Variants in EYS observed in about 807,000 individuals in gnomAD.
EYS encodes EGF-like photoreceptor maintenance factor.
A neutral mutation model predicts 282.1 loss-of-function variants in EYS; 250 were observed. The ratio of observed to expected loss-of-function variants is 0.89; its 90% CI spans 0.80 to 0.98. The LOEUF (loss-of-function observed/expected upper bound fraction) is 0.98. Among genes scored for constraint, EYS ranks in the 50% least tolerant of loss-of-function variants. The probability of loss-of-function intolerance (pLI) is 0.00; values close to 1 mark genes in which losing one functional copy is unlikely to be tolerated. For missense variants in EYS, 4,016 were observed against 3,709.0 expected, an observed-to-expected ratio of 1.08 and a Z score of -2.15; for synonymous variants, 1,355 against 1,282.9, an observed-to-expected ratio of 1.06 and a Z score of -1.20.
At chr6:64,131,586 G>T (rs1773982043) in intron 31 of EYS, among the ~76,000 whole-genome samples, 1 of 152,072 alleles carries the variant, frequency 6.6e-6, no homozygotes, top group South Asian at 2.1e-4. Context: ...ATAAAAGCAG[G>T]AATATGAGTA....
At chr6:63,873,051 G>T (rs368166855) in intron 35 of EYS, among the ~76,000 whole-genome samples, 1 of 151,948 alleles carries the variant, frequency 6.6e-6, no homozygotes, top group South Asian at 2.1e-4. Context: ...ATGTGCACAC[G>T]TGAAGGTTTG....
At chr6:64,249,759 A>C (rs1203016359) in intron 30 of EYS, among the ~76,000 whole-genome samples, 3 of 152,212 alleles carry the variant, frequency 2.0e-5, no homozygotes, top group Admixed American at 6.5e-5. Flanking sequence ...AGAGGAATGC[A>C]TCTACCGCAA....
intron 22 of EYS, among the ~76,000 whole-genome samples, chr6:64,725,179 G>A (rs529554069): frequency 7.0e-4 from 106 of 152,146 alleles, no homozygotes; most frequent in African/African-American, 2.4e-3. Context: ...GTAATATGTA[G>A]GATATTAATA....
chr6:64,449,457 C>T (rs1775240175), intron 26 of EYS, among the ~76,000 whole-genome samples: 1 of 152,086 alleles, frequency 6.6e-6, no homozygotes, highest in Non-Finnish European at 1.5e-5. Context: ...GGAGAACTTC[C>T]CCAATCTAGC....
chr6:65,025,296 A>G (rs574816304), intron 13 of EYS, among the ~76,000 whole-genome samples: 2 of 152,294 alleles, frequency 1.3e-5, no homozygotes, highest in East Asian at 1.9e-4. Flanking sequence ...GAGCAATTGC[A>G]TATCACCCCA....
chr6:63,812,637 G>T (rs773504983), intron 36 of EYS, among the ~76,000 whole-genome samples: 1 of 151,990 alleles, frequency 6.6e-6, no homozygotes, highest in African/African-American at 2.4e-5. Flanking sequence ...CATGTAAAAG[G>T]TTAAAGTAGT....
chr6:64,858,986 A>G (rs1050753208), intron 19 of EYS, among the ~76,000 whole-genome samples: 2 of 152,008 alleles, frequency 1.3e-5, no homozygotes, highest in Non-Finnish European at 2.9e-5. Flanking sequence ...AGCCAGAGCA[A>G]TTAGGCAAAA....
rs190287100 is a variant in EYS, at chr6:65,143,214, A to G, written c.2024-85487T>C. ...GAGTAAAACTTTATGACTTATTAGG[A>G]CATAAAACAACATGGATATTCCTTA... is the stretch of plus-strand genomic sequence containing the variant. On this transcript the variant is annotated intron_variant, in intron 12 of 42. Transcript: ENST00000503581. Among the ~76,000 whole-genome samples the G allele has an allele frequency of 6.4e-3, 972 of 152,098 alleles. 11 individuals are homozygous for G. The highest frequency in any genetic ancestry group is 0.022 in the African/African-American group (914 of 41,522).
chr6:64,901,705 A>G (rs1354244628), intron 18 of EYS, among the ~76,000 whole-genome samples: 1 of 152,088 alleles, frequency 6.6e-6, no homozygotes, highest in African/African-American at 2.4e-5. Flanking sequence ...AATATCTATA[A>G]CCAGTAGAAT....
intron 29 of EYS, among the ~76,000 whole-genome samples, chr6:64,386,580 G>C (rs1772918164): frequency 6.6e-6 from 1 of 151,898 alleles, no homozygotes; most frequent in Non-Finnish European, 1.5e-5. Flanking sequence ...ATTTAGGTAG[G>C]GACACAGCCA....
chr6:64,498,276 G>T (rs10494883), intron 26 of EYS, among the ~76,000 whole-genome samples: 2 of 151,728 alleles, frequency 1.3e-5, no homozygotes, highest in South Asian at 2.1e-4. Context: ...GATGAGAACA[G>T]GGAAGTACAG....
chr6:63,818,779 C>T (rs1321034321), intron 36 of EYS, among the ~76,000 whole-genome samples: 1 of 152,146 alleles, frequency 6.6e-6, no homozygotes, highest in African/African-American at 2.4e-5. Context: ...ACAGAGAGCC[C>T]TCAAAACCTA....
Position 64,637,331 on chromosome 6 carries a change from A to T in EYS, c.3444-11086T>A, listed in dbSNP as rs550216917. ...AACTGGAAACCATAATTCTCAGCAA[A>T]CTATCGCAAGGACAAAAAAACAAAC... On this transcript the variant is annotated intron_variant, in intron 22 of 42. Coordinates refer to ENST00000503581, the MANE Select transcript of EYS (RefSeq NM_001142800.2). Among the ~76,000 whole-genome samples the T allele has an allele frequency of 4.8e-4, 42 of 88,412 alleles. 10 individuals carry two copies. In the East Asian group the frequency reaches 0.011, roughly 22 times the overall value. The allele number at this position is 88,412 out of a possible 152,430, so 58.0% of individuals were successfully genotyped here. A position where few individuals can be genotyped will look rare whatever the true frequency, so the allele number is the denominator to read the frequency against.
intron 22 of EYS, among the ~76,000 whole-genome samples, chr6:64,761,020 G>T (rs1405661679): frequency 6.6e-6 from 1 of 152,178 alleles, no homozygotes; most frequent in Admixed American, 6.5e-5. Flanking sequence ...AAATGACAAA[G>T]AAGTGACTGA....
intron 31 of EYS, among the ~76,000 whole-genome samples, chr6:64,086,352 T>A (rs1772157161): frequency 6.6e-6 from 1 of 152,154 alleles, no homozygotes; most frequent in East Asian, 1.9e-4. Flanking sequence ...CTTCCTACAG[T>A]GTCTATTAGT....
At chr6:63,839,266 A>G (rs1343036393) in intron 36 of EYS, among the ~76,000 whole-genome samples, 1 of 152,134 alleles carries the variant, frequency 6.6e-6, no homozygotes, top group Non-Finnish European at 1.5e-5. Context: ...TTATAGTTTT[A>G]TGAGATCAGC....
intron 22 of EYS, among the ~76,000 whole-genome samples, chr6:64,724,130 G>A (rs1771677781): frequency 6.6e-6 from 1 of 151,988 alleles, no homozygotes; most frequent in Non-Finnish European, 1.5e-5. Flanking sequence ...AACATATTTA[G>A]TGCTGATTTG....
chr6:64,169,532 G>T (rs1443274698), intron 31 of EYS, among the ~76,000 whole-genome samples: 1 of 151,616 alleles, frequency 6.6e-6, no homozygotes, highest in Non-Finnish European at 1.5e-5. Flanking sequence ...AATGGGAGAA[G>T]CTTCAGCAGA....
At chr6:65,251,133 T>C (rs930083335) in intron 12 of EYS, among the ~76,000 whole-genome samples, 2 of 150,594 alleles carry the variant, frequency 1.3e-5, no homozygotes, top group African/African-American at 4.9e-5. Flanking sequence ...TTTTATAGCA[T>C]TGAGAATCCA....
Sources: allele counts gnomAD v4.1 joint callset (sites outside exome capture counted in the v4.1 genomes callset), GRCh38; gene constraint gnomAD v4.1.1; transcripts MANE v1.5; gene names NCBI Gene and HGNC (gene_info 2026-07-23, HGNC 2026-07-21).